Variants in RIN2 observed in about 807,000 individuals in gnomAD.
The protein encoded by RIN2 is RAB5 interacting protein 2.
RIN2 carries 36 observed loss-of-function variants against 78.0 expected under a neutral mutation model. That is an observed-to-expected ratio of 0.46 (90% CI 0.35 to 0.61). The LOEUF is 0.61. Among genes scored for constraint, RIN2 ranks in the 20% least tolerant of loss-of-function variants. The probability of loss-of-function intolerance (pLI) is 0.00; values close to 1 mark genes in which losing one functional copy is unlikely to be tolerated. For missense variants in RIN2, 1,087 were observed against 1,159.7 expected, an observed-to-expected ratio of 0.94 and a Z score of 0.91; for synonymous variants, 466 against 466.8, an observed-to-expected ratio of 1.00 and a Z score of 0.02.
At chr20:19,823,015 A>C (rs1325705055) in intron 2 of RIN2, among the ~76,000 whole-genome samples, 2 of 152,232 alleles carry the variant, frequency 1.3e-5, no homozygotes, top group Non-Finnish European at 1.5e-5. Context: ...ATCATTTGTC[A>C]TATTACACAC....
At position 19,960,745 on chromosome 20, in the gene RIN2, TC is replaced by T; in HGVS notation, c.400del (p.Leu134SerfsTer16). On this transcript the variant is annotated frameshift_variant, in exon 6 of 13. Transcript: ENST00000255006. LOFTEE classifies it high-confidence loss of function. ...TACCAAGATGCAGAAGAAAGTCCTC[TC>T]CCTCCGCCTGCCCTGTGAATTTGGG... ...KSTKMQKKVL[S>X]LRLPCEFGAP... 1 of 1,605,286 alleles carries T rather than the reference TC, an allele frequency of 6.2e-7. No individual in the cohort carries two copies. The highest frequency in any genetic ancestry group is 8.5e-7 in the Non-Finnish European group (1 of 1,176,002).
In RIN2 at chr20:19,995,688, G is replaced by C. The variant is rs552775121; in HGVS notation, c.2201-991G>C. ...GATGTTATGTTAGTCCCAAAGGAAG[G>C]GGGGGGTAAGAAAGGGAATCAAGGG... On this transcript the variant is annotated intron_variant, in intron 11 of 12. Transcript: ENST00000255006. Among the ~76,000 whole-genome samples, 49 of 151,506 alleles carry C rather than the reference G, an allele frequency of 3.2e-4. No individual in the cohort carries two copies. In the East Asian group the frequency reaches 6.2e-3, roughly 19 times the overall value.
chr20:19,896,568 A>G (rs551181051), intron 3 of RIN2, among the ~76,000 whole-genome samples: 1 of 152,336 alleles, frequency 6.6e-6, no homozygotes, highest in African/African-American at 2.4e-5. Flanking sequence ...GTGAGTCCAC[A>G]TCCCCACAAT....
intron 3 of RIN2, among the ~76,000 whole-genome samples, chr20:19,924,545 C>CCA (rs141621207): frequency 0.085 from 258 of 3,048 alleles, 85 homozygotes; most frequent in East Asian, 0.35. Flanking sequence ...TCTTCATACC[C>CCA]CCTCTTCATA....
chr20:19,832,228 G>A (rs987532450), intron 2 of RIN2, among the ~76,000 whole-genome samples: 5 of 150,274 alleles, frequency 3.3e-5, no homozygotes, highest in African/African-American at 4.9e-5. Context: ...GGACGCAGGC[G>A]GCCTCTGATA....
intron 9 of RIN2, among the ~76,000 whole-genome samples, chr20:19,987,011 T>C (rs1365663183): frequency 1.3e-5 from 2 of 152,234 alleles, no homozygotes; most frequent in Admixed American, 6.5e-5. Context: ...TTTTGCCTGC[T>C]TTTGAACTTC....
chr20:19,886,910 T>C, intron 2 of RIN2: 1 of 568,130 alleles, frequency 1.8e-6, no homozygotes, highest in Non-Finnish European at 3.2e-6. Context: ...TGGTATTAAA[T>C]TGCTGTCAAT....
chr20:19,808,569 G>T (rs540417682), intron 2 of RIN2, among the ~76,000 whole-genome samples: 1 of 152,322 alleles, frequency 6.6e-6, no homozygotes, highest in East Asian at 1.9e-4. Context: ...AGCACGAGGT[G>T]CCTCCCCTCC....
chr20:19,915,974 G>T (rs2039667428), intron 3 of RIN2, among the ~76,000 whole-genome samples: 1 of 152,206 alleles, frequency 6.6e-6, no homozygotes, highest in Non-Finnish European at 1.5e-5. Flanking sequence ...GAGCGCTGTG[G>T]CTCACGCCTG....
In RIN2 at chr20:19,797,269, C is replaced by T. The variant is rs114428977; in HGVS notation, c.-162-2353C>T. On this transcript the variant is annotated intron_variant, in intron 1 of 12. Transcript: ENST00000255006. ...GTTCTCTCATGTAAGCCCTTCCTCT[C>T]TTAGAATATGCAGGCCCACCGTATT... Among the ~76,000 whole-genome samples, 637 of 152,252 alleles carry T rather than the reference C, an allele frequency of 4.2e-3. 2 individuals carry two copies. The highest frequency in any genetic ancestry group is 0.015 in the African/African-American group (605 of 41,538).
intron 2 of RIN2, among the ~76,000 whole-genome samples, chr20:19,850,269 A>G (rs1456458774): frequency 6.6e-6 from 1 of 152,142 alleles, no homozygotes; most frequent in Admixed American, 6.5e-5. Context: ...CCCAACACAG[A>G]ATCACATGAG....
intron 1 of RIN2, among the ~76,000 whole-genome samples, chr20:19,797,087 C>A (rs1467657710): frequency 6.6e-6 from 1 of 152,136 alleles, no homozygotes; most frequent in Non-Finnish European, 1.5e-5. Flanking sequence ...TGAGCAATTC[C>A]AGCTGCCATT....
chr20:19,822,465 A>G (rs1478496072), intron 2 of RIN2, among the ~76,000 whole-genome samples: 2 of 152,208 alleles, frequency 1.3e-5, no homozygotes, highest in African/African-American at 4.8e-5. Flanking sequence ...AGCCACGAAT[A>G]GATTCTAAAC....
intron 3 of RIN2, among the ~76,000 whole-genome samples, chr20:19,914,425 A>G (rs1359246060): frequency 2.0e-5 from 3 of 152,192 alleles, no homozygotes; most frequent in African/African-American, 7.2e-5. Context: ...TGACTTTCCC[A>G]GTATGTACTT....
chr20:19,846,085 A>G (rs146178687), intron 2 of RIN2, among the ~76,000 whole-genome samples: 2 of 152,300 alleles, frequency 1.3e-5, no homozygotes, highest in African/African-American at 4.8e-5. Flanking sequence ...CCATTGGTCT[A>G]TCTACCTGTT....
intron 4 of RIN2, among the ~76,000 whole-genome samples, chr20:19,937,380 C>T (rs780541035): frequency 2.6e-5 from 4 of 152,164 alleles, no homozygotes; most frequent in East Asian, 1.9e-4. Flanking sequence ...GCACGTCTGA[C>T]GGCTGCAGGA....
At chr20:19,770,229 G>A (rs2034059954) in intron 1 of RIN2, among the ~76,000 whole-genome samples, 1 of 152,040 alleles carries the variant, frequency 6.6e-6, no homozygotes, top group Non-Finnish European at 1.5e-5. Flanking sequence ...TAGAAGCAAA[G>A]ATAAAAAGTA....
chr20:19,951,638 T>A (rs2041319714), intron 4 of RIN2, among the ~76,000 whole-genome samples: 1 of 127,398 alleles, frequency 7.8e-6, no homozygotes, highest in Non-Finnish European at 1.5e-5. Flanking sequence ...TTTTGCCTTC[T>A]GATTTTAGCA....
chr20:19,933,675 G>A (rs2146112040), intron 3 of RIN2, among the ~76,000 whole-genome samples: 1 of 152,292 alleles, frequency 6.6e-6, no homozygotes, highest in South Asian at 2.1e-4. Context: ...CAAGCTTTAA[G>A]CGCAAGTGAA....
Sources: allele counts gnomAD v4.1 joint callset (sites outside exome capture counted in the v4.1 genomes callset), GRCh38; gene constraint gnomAD v4.1.1; transcripts MANE v1.5; gene names NCBI Gene and HGNC (gene_info 2026-07-23, HGNC 2026-07-21).